Variants in NCAN observed in about 807,000 individuals in gnomAD.
NCAN encodes the protein neurocan core protein.
NCAN carries 47 observed loss-of-function variants against 121.8 expected under a neutral mutation model. The observed-to-expected ratio is 0.39, with a 90% confidence interval of 0.31 to 0.49. The LOEUF (loss-of-function observed/expected upper bound fraction) is 0.49, where lower values mean the gene tolerates loss of function less well. Among genes scored for constraint, NCAN ranks in the 20% least tolerant of loss-of-function variants. The pLI, the probability that NCAN is intolerant of heterozygous loss-of-function variation, is 0.92. For synonymous variants in NCAN, 633 were observed against 702.0 expected (o/e 0.90, Z 1.55); for missense variants, 1,517 against 1,773.4 (o/e 0.86, Z 2.60).
chr19:19,219,334 G>A lies in NCAN; in HGVS notation c.475+18G>A. ...GGTGACAGGTCAGTTGGGGGCAAAG[G>A]AGGGGCCGGGGGCCGGGGAGAGGGA... On this transcript the variant is annotated intron_variant, in intron 3 of 14. Transcript: ENST00000252575. The A allele has an allele frequency of 1.3e-6, 2 of 1,493,528 alleles. No individual in the cohort carries two copies. Among genetic ancestry groups the A allele is most frequent in the Non-Finnish European group, 8.9e-7 (1 of 1,121,388 alleles). The allele number at this position is 1,493,528 out of a possible 1,614,324, so 92.5% of individuals were successfully genotyped here.
chr19:19,245,572 G>A lies in NCAN; in HGVS notation c.3637+115G>A, dbSNP rs377666606. ...GGCTCATCACAGCCTCCACCGCCTG[G>A]GTTCAAGCCATCCTCCTGCCTCAGC... is the stretch of plus-strand genomic sequence containing the variant. On this transcript the variant is annotated intron_variant, in intron 13 of 14. Transcript: ENST00000252575. 4.0e-6 allele frequency: 5 copies of A among 1,242,548 alleles called. No individual in the cohort carries two copies. The African/African-American group carries it at 7.6e-5, about 19-fold the overall frequency. The allele number at this position is 1,242,548 out of a possible 1,614,324, so 77.0% of individuals were successfully genotyped here. A position where few individuals can be genotyped will look rare whatever the true frequency, so the allele number is the denominator to read the frequency against.
At chr19:19,241,204 C>T (rs886482489) in intron 12 of NCAN, among the ~76,000 whole-genome samples, 3 of 151,586 alleles carry the variant, frequency 2.0e-5, no homozygotes, top group Admixed American at 1.3e-4. Context: ...TGCAGTGAGC[C>T]GAGATCACTC....
At chr19:19,228,879 G>A (rs1029976717) in intron 8 of NCAN, among the ~76,000 whole-genome samples, 19 of 152,192 alleles carry the variant, frequency 1.2e-4, no homozygotes, top group African/African-American at 4.1e-4. Flanking sequence ...GATCAATTTC[G>A]GGCACAGAGC....
chr19:19,226,115 A>G (rs2060835740), intron 6 of NCAN, among the ~76,000 whole-genome samples: 1 of 152,076 alleles, frequency 6.6e-6, no homozygotes, highest in Non-Finnish European at 1.5e-5. Flanking sequence ...TTTTTAGTAG[A>G]GACGGGGTTT....
intron 1 of NCAN, among the ~76,000 whole-genome samples, chr19:19,213,506 G>C (rs190534855): frequency 5.3e-5 from 4 of 75,722 alleles, no homozygotes; most frequent in African/African-American, 2.0e-4. Context: ...GGGTTTATGT[G>C]GGGGGGGGGG....
Position 19,231,979 on chromosome 19 carries a change from CA to C in NCAN, c.3020-1799del, listed in dbSNP as rs11389559. Among the ~76,000 whole-genome samples the C allele has an allele frequency of 5.4e-3, 773 of 143,876 alleles. 2 individuals are homozygous for C. Among genetic ancestry groups the C allele is most frequent in the South Asian group, 0.017 (79 of 4,546 alleles). 94.4% of individuals were successfully genotyped at this position (143,876 alleles called of 152,430 possible). On this transcript the variant is annotated intron_variant, in intron 8 of 14. Coordinates refer to ENST00000252575, the MANE Select transcript of NCAN (RefSeq NM_004386.3). ...TGGGGGACAGAGCAAGACTCCATCT[CA>C]AAAAAAAAAATTAATCTTGGGGTGG...
chr19:19,214,157 C>T (rs1006499671), intron 1 of NCAN, among the ~76,000 whole-genome samples: 5 of 152,136 alleles, frequency 3.3e-5, no homozygotes, highest in East Asian at 1.9e-4. Context: ...TCAGTGCTAA[C>T]GGAGACTTGA....
At chr19:19,239,139 ACTT>A (rs1181614671) in intron 11 of NCAN, among the ~76,000 whole-genome samples, 2 of 151,212 alleles carry the variant, frequency 1.3e-5, no homozygotes, top group Non-Finnish European at 3.0e-5. Flanking sequence ...CCTGTCCCCT[ACTT>A]CTCATTTCTG....
At chr19:19,233,419 G>A (rs924663680) in intron 8 of NCAN, among the ~76,000 whole-genome samples, 1 of 152,054 alleles carries the variant, frequency 6.6e-6, no homozygotes, top group Admixed American at 6.6e-5. Context: ...GATGAGCAGG[G>A]TGTGCCCAAA....
chr19:19,212,976 C>T lies in NCAN; in HGVS notation c.-8+912C>T, dbSNP rs907553294. 6.6e-6 allele frequency among the ~76,000 whole-genome samples: 1 copy of T among 152,180 alleles called. No individual in the cohort carries two copies. The highest frequency in any genetic ancestry group is 2.4e-5 in the African/African-American group (1 of 41,446). On this transcript the variant is annotated intron_variant, in intron 1 of 14. Coordinates refer to ENST00000252575, the MANE Select transcript of NCAN (RefSeq NM_004386.3). The surrounding 1 kb of genome is among the most constrained non-coding windows in gnomAD (Gnocchi z 4.5). The stretch of plus-strand genomic sequence containing the variant: ...TGGAAGCGCTGGCTTGGTTTGGGGG[C>T]ACAGGGGCTGGGAAGTAAGGGGCTG...
chr19:19,249,974 A>C lies in NCAN; in HGVS notation c.*63A>C. ...CCTCCTCTGGAGCCTTCGCCTGGGG[A>C]GACAGAACCCAGAGAGAAACAAGAG... On this transcript the variant is annotated 3_prime_UTR_variant, in exon 15 of 15. Transcript: ENST00000252575. 6.6e-7 allele frequency: 1 copy of C among 1,521,436 alleles called. No homozygotes were observed. The highest frequency in any genetic ancestry group is 9.0e-7 in the Non-Finnish European group (1 of 1,115,964). The allele number at this position is 1,521,436 out of a possible 1,614,324, so 94.2% of individuals were successfully genotyped here.
chr19:19,249,045 T>TTGTGTGTGTG, intron 14 of NCAN, 163 bp downstream of exon 14: 1 of 548,218 alleles, frequency 1.8e-6, no homozygotes, highest in Non-Finnish European at 3.2e-6. Context: ...TTTCCTTCAT[T>TTGTGTGTGTG]TGTGTGTGTG....
Position 19,233,915 on chromosome 19 carries a change from C to G in NCAN, c.3136+10C>G. ...GAGAACTGTGAGATTGGTGAGTACC[C>G]CAGACTCAGGATCTGAATCTGAATT... On this transcript the variant is annotated intron_variant, in intron 9 of 14. Coordinates refer to ENST00000252575, the MANE Select transcript of NCAN (RefSeq NM_004386.3). 6.5e-7 allele frequency: 1 copy of G among 1,536,642 alleles called. No homozygotes were observed. The highest frequency in any genetic ancestry group is 9.0e-7 in the Non-Finnish European group (1 of 1,109,344).
chr19:19,235,659 C>T (rs1305704893), intron 10 of NCAN, among the ~76,000 whole-genome samples: 1 of 151,870 alleles, frequency 6.6e-6, no homozygotes, highest in Non-Finnish European at 1.5e-5. Context: ...TCACTGCAAC[C>T]TCCAACTCCC....
At chr19:19,222,859 A>C (rs2060821743) in intron 3 of NCAN, among the ~76,000 whole-genome samples, 1 of 152,058 alleles carries the variant, frequency 6.6e-6, no homozygotes, top group Non-Finnish European at 1.5e-5. Flanking sequence ...CTGTAATCCC[A>C]GCACTTTGGG....
At chr19:19,243,558 A>G (rs1242911043) in intron 12 of NCAN, among the ~76,000 whole-genome samples, 2 of 151,750 alleles carry the variant, frequency 1.3e-5, no homozygotes, top group Non-Finnish European at 2.9e-5. Flanking sequence ...TTCTGGAAAT[A>G]ACAATGATGG....
At position 19,248,792 on chromosome 19, in the gene NCAN, T is replaced by C. The variant is rs754037552; in HGVS notation, c.3730T>C (p.Cys1244Arg). ...YNVHATVRYQ[C>R]NEGFAQHHVA... The stretch of plus-strand genomic sequence containing the variant: ...TGTCCATGCCACTGTAAGGTACCAG[T>C]GCAATGAAGGATTTGCCCAGCACCA... The change falls in exon 14 of 15, where the codon TGC (cysteine) becomes CGC (arginine). Residue 1244 changes from cysteine (C) to arginine (R), a missense_variant. By Grantham distance (180) the Cys-to-Arg change is radical. Transcript: ENST00000252575. 3 of 1,614,052 alleles carry C rather than the reference T, an allele frequency of 1.9e-6. No individual in the cohort carries two copies. The highest frequency in any genetic ancestry group is 2.5e-6 in the Non-Finnish European group (3 of 1,180,034).
chr19:19,234,037 C>T (rs2060872056), intron 9 of NCAN, 132 bp downstream of exon 9: 1 of 610,580 alleles, frequency 1.6e-6, no homozygotes, highest in Non-Finnish European at 3.0e-6. Context: ...TTCCCAAACC[C>T]CACTCCTTGC....
At chr19:19,215,691 A>G (rs561582781) in intron 1 of NCAN, among the ~76,000 whole-genome samples, 1 of 152,292 alleles carries the variant, frequency 6.6e-6, no homozygotes, top group East Asian at 1.9e-4. Flanking sequence ...AATCTTGGTG[A>G]CAACCAAATC....
Sources: allele counts gnomAD v4.1 joint callset (sites outside exome capture counted in the v4.1 genomes callset), GRCh38; gene constraint gnomAD v4.1.1; non-coding constraint Gnocchi (gnomAD v3.1); transcripts MANE v1.5; gene names NCBI Gene and HGNC (gene_info 2026-07-23, HGNC 2026-07-21).